Variants in NCAM2 observed in about 807,000 individuals in gnomAD.
NCAM2 encodes N-CAM-2.
Under a neutral mutation model 98.1 loss-of-function variants are expected in NCAM2, and 30 were observed. That is an observed-to-expected ratio of 0.31 (90% confidence interval 0.23 to 0.41). NCAM2 has a LOEUF of 0.41. Among genes scored for constraint, NCAM2 ranks in the 10% least tolerant of loss-of-function variants. The pLI, the probability that NCAM2 is intolerant of heterozygous loss-of-function variation, is 1.00. For synonymous variants in NCAM2, 368 were observed against 342.4 expected, an observed-to-expected ratio of 1.07 and a Z score of -0.83; for missense variants, 867 against 1,005.8, an observed-to-expected ratio of 0.86 and a Z score of 1.87.
chr21:21,240,284 G>A lies in NCAM2; in HGVS notation c.56-40294G>A, dbSNP rs185561769. Among the ~76,000 whole-genome samples the A allele has an allele frequency of 7.9e-5, 12 of 151,398 alleles. No individual in the cohort carries two copies. The East Asian group carries it at 2.3e-3, about 30-fold the overall frequency. ...CATTCTTAAAAAGTAATGTGCCAAA[G>A]CATACCATATTTTCTCAAAATTTTA... is the stretch of plus-strand genomic sequence containing the variant. On this transcript the variant is annotated intron_variant, in intron 1 of 17. Transcript: ENST00000400546.
intron 12 of NCAM2, among the ~76,000 whole-genome samples, chr21:21,456,258 A>C (rs373237777): frequency 1.2e-4 from 19 of 152,290 alleles, no homozygotes; most frequent in Non-Finnish European, 2.8e-4. Context: ...CAGAGTGTAT[A>C]ATAGTAACAA....
intron 1 of NCAM2, among the ~76,000 whole-genome samples, chr21:21,161,740 C>T (rs191657166): frequency 2.0e-4 from 31 of 151,774 alleles, no homozygotes; most frequent in Middle Eastern, 6.8e-3. Flanking sequence ...ACTGGAAGGA[C>T]CAATATATAT....
intron 1 of NCAM2, among the ~76,000 whole-genome samples, chr21:21,229,849 A>T (rs960464957): frequency 5.9e-5 from 9 of 151,432 alleles, no homozygotes; most frequent in Non-Finnish European, 1.0e-4. Flanking sequence ...TCTCAGACGT[A>T]TTTACAAGCC....
chr21:21,452,154 T>C (rs1412387921), intron 12 of NCAM2, among the ~76,000 whole-genome samples: 1 of 143,288 alleles, frequency 7.0e-6, no homozygotes, highest in Non-Finnish European at 1.5e-5. Context: ...CTCTGATTTA[T>C]AAATGTGAAC....
chr21:21,121,169 A>T lies in NCAM2; in HGVS notation c.55+122551A>T, dbSNP rs1015317961. On this transcript the variant is annotated intron_variant, in intron 1 of 17. Transcript: ENST00000400546. ...ATTTTCATATAAAATATCTCAGAAG[A>T]TTATCTTTATGAAAGTATGAGTGAT... is the stretch of plus-strand genomic sequence containing the variant. 3.0e-4 allele frequency among the ~76,000 whole-genome samples: 46 copies of T among 152,192 alleles called. 1 individual carries two copies. The highest frequency in any genetic ancestry group is 1.5e-5 in the Non-Finnish European group (1 of 68,038).
intron 1 of NCAM2, among the ~76,000 whole-genome samples, chr21:21,084,989 T>C (rs73332304): frequency 0.11 from 17,001 of 152,158 alleles, 977 homozygotes; most frequent in East Asian, 0.15. Context: ...GAGAAACCGA[T>C]GCACCCTTCC....
chr21:21,480,409 AT>A (rs1352528221), intron 15 of NCAM2, among the ~76,000 whole-genome samples: 1 of 150,192 alleles, frequency 6.7e-6, no homozygotes, highest in Non-Finnish European at 1.5e-5. Flanking sequence ...ACTAAGAGAG[AT>A]TTTTCTTAGA....
At chr21:21,256,538 C>A (rs2071680592) in intron 1 of NCAM2, among the ~76,000 whole-genome samples, 1 of 152,020 alleles carries the variant, frequency 6.6e-6, no homozygotes, top group African/African-American at 2.4e-5. Context: ...TATTACACAC[C>A]ATTAATTATA....
intron 5 of NCAM2, among the ~76,000 whole-genome samples, chr21:21,298,037 C>G (rs1226124251): frequency 6.6e-6 from 1 of 151,686 alleles, no homozygotes; most frequent in Non-Finnish European, 1.5e-5. Flanking sequence ...GATGTCCGTA[C>G]AAATGAGTGT....
At position 21,280,536 on chromosome 21, in the gene NCAM2, C is replaced by G. The variant is rs565959677; in HGVS notation, c.56-42C>G. On this transcript the variant is annotated intron_variant, in intron 1 of 17. Coordinates refer to ENST00000400546, the MANE Select transcript of NCAM2 (RefSeq NM_004540.5). ...TCATGCATTAAAATCTTAGAAATCA[C>G]GCTTAAAAATCACCATTAATTGTTT... 3.6e-6 allele frequency: 5 copies of G among 1,378,338 alleles called. No individual in the cohort carries two copies. The African/African-American group carries it at 7.2e-5, about 20-fold the overall frequency. The allele number at this position is 1,378,338 out of a possible 1,614,324, so 85.4% of individuals were successfully genotyped here. A position where few individuals can be genotyped will look rare whatever the true frequency, so the allele number is the denominator to read the frequency against.
At chr21:21,355,882 C>T (rs1475901) in intron 8 of NCAM2, among the ~76,000 whole-genome samples, 97,567 of 151,836 alleles carry the variant, frequency 0.64, 31,564 homozygotes, top group Middle Eastern at 0.73. Flanking sequence ...GTACTGGGAT[C>T]ACAGGCGTGA....
intron 1 of NCAM2, among the ~76,000 whole-genome samples, chr21:21,226,134 C>T (rs112664750): frequency 0.021 from 3,172 of 151,892 alleles, 45 homozygotes; most frequent in Middle Eastern, 0.065. Context: ...AAGATGGGAA[C>T]AATAGACACG....
chr21:21,047,146 A>G (rs2065021175), intron 1 of NCAM2, among the ~76,000 whole-genome samples: 1 of 152,172 alleles, frequency 6.6e-6, no homozygotes, highest in African/African-American at 2.4e-5. Context: ...AGTTTGCTTT[A>G]AATGATAAAG....
At chr21:21,483,818 A>T (rs922411507) in intron 15 of NCAM2, among the ~76,000 whole-genome samples, 7 of 152,092 alleles carry the variant, frequency 4.6e-5, no homozygotes, top group Non-Finnish European at 5.9e-5. Context: ...TTTAAAAGAG[A>T]TGCAGTGACA....
intron 1 of NCAM2, among the ~76,000 whole-genome samples, chr21:21,132,178 T>C (rs2066949579): frequency 1.3e-5 from 2 of 152,056 alleles, no homozygotes; most frequent in Non-Finnish European, 2.9e-5. Flanking sequence ...TCTCCCTATC[T>C]CTCCCTCTTT....
intron 15 of NCAM2, among the ~76,000 whole-genome samples, chr21:21,506,244 AT>A (rs1350117164): frequency 6.6e-6 from 1 of 151,874 alleles, no homozygotes; most frequent in Non-Finnish European, 1.5e-5. Context: ...TTTTTTTCCA[AT>A]TTTTTTTCCT....
At chr21:21,200,409 G>A (rs1408673809) in intron 1 of NCAM2, among the ~76,000 whole-genome samples, 70 of 134,782 alleles carry the variant, frequency 5.2e-4, no homozygotes, top group African/African-American at 7.5e-4. Context: ...CCCCATGCCT[G>A]AAAAAAAAAA....
At chr21:21,021,955 T>C (rs2064446502) in intron 1 of NCAM2, among the ~76,000 whole-genome samples, 2 of 152,092 alleles carry the variant, frequency 1.3e-5, no homozygotes, top group Non-Finnish European at 2.9e-5. Flanking sequence ...TTTGAAAAAA[T>C]AAATGGATGA....
At chr21:21,086,992 G>A (rs1268939631) in intron 1 of NCAM2, among the ~76,000 whole-genome samples, 1 of 150,240 alleles carries the variant, frequency 6.7e-6, no homozygotes, top group Non-Finnish European at 1.5e-5. Flanking sequence ...TGATCGTTTT[G>A]TAGACATATC....
Sources: allele counts gnomAD v4.1 joint callset (sites outside exome capture counted in the v4.1 genomes callset), GRCh38; gene constraint gnomAD v4.1.1; transcripts MANE v1.5; gene names NCBI Gene and HGNC (gene_info 2026-07-23, HGNC 2026-07-21).